The following PRRC2B variants were observed in gnomAD, a reference collection of about 807,000 sequenced individuals.
PRRC2B encodes the protein proline rich coiled-coil 2B.
PRRC2B carries 68 observed loss-of-function variants against 242.3 expected under a neutral mutation model. The ratio of observed to expected loss-of-function variants is 0.28; its 90% CI spans 0.23 to 0.34. The LOEUF (loss-of-function observed/expected upper bound fraction) is 0.34. PRRC2B is among the 10% of genes least tolerant of loss of function. PRRC2B has a pLI of 1.00. For missense variants in PRRC2B, 2,835 were observed against 2,954.8 expected (o/e 0.96, Z 0.94); for synonymous variants, 1,228 against 1,173.6 (o/e 1.05, Z -0.95).
In PRRC2B at chr9:131,471,003, G is replaced by C; in HGVS notation, c.2107+20G>C. Reference sequence around the variant, plus strand: ...CCTCAGGTAAGCACTGTGGTCTGACGGTCCATACCTGTATCACCCAGGATA... The same window carrying C: ...CCTCAGGTAAGCACTGTGGTCTGACCGTCCATACCTGTATCACCCAGGATA... On this transcript the variant is annotated intron_variant, in intron 14 of 31. Coordinates refer to ENST00000683519, the MANE Select transcript of PRRC2B (RefSeq NM_013318.4). 6 of 1,572,748 alleles carry C rather than the reference G, an allele frequency of 3.8e-6. No individual in the cohort carries two copies. Among genetic ancestry groups the C allele is most frequent in the Non-Finnish European group, 4.3e-6 (5 of 1,150,166 alleles).
chr9:131,384,332 A>C (rs570458648), intron 1 of PRRC2B, among the ~76,000 whole-genome samples: 1 of 150,320 alleles, frequency 6.7e-6, no homozygotes, highest in East Asian at 2.0e-4. Context: ...ACCCAGGCTT[A>C]AGTGTGGTGG....
chr9:131,440,113 C>G (rs529193310), intron 5 of PRRC2B, among the ~76,000 whole-genome samples: 1 of 152,278 alleles, frequency 6.6e-6, no homozygotes, highest in South Asian at 2.1e-4. Flanking sequence ...CACTATGTTG[C>G]TCAGGCTGGT....
intron 1 of PRRC2B, among the ~76,000 whole-genome samples, chr9:131,395,264 C>T (rs185557642): frequency 3.3e-5 from 5 of 152,056 alleles, no homozygotes; most frequent in Admixed American, 6.6e-5. Context: ...TAAACTTTCC[C>T]TAAGATTTTT....
intron 28 of PRRC2B, among the ~76,000 whole-genome samples, chr9:131,488,657 C>G (rs1588282725): frequency 6.6e-6 from 1 of 152,188 alleles, no homozygotes; most frequent in African/African-American, 2.4e-5. Context: ...TCTCCCTGCC[C>G]TTGTGCAGTA....
chr9:131,414,726 C>T (rs901321950), intron 1 of PRRC2B, among the ~76,000 whole-genome samples: 2 of 151,850 alleles, frequency 1.3e-5, no homozygotes, highest in South Asian at 2.1e-4. Flanking sequence ...CCTGCCACCA[C>T]GCCCAACTGA....
In PRRC2B at chr9:131,451,366, T is replaced by G. The variant is rs1291466364; in HGVS notation, c.1120+3562T>G. 2.0e-5 allele frequency among the ~76,000 whole-genome samples: 3 copies of G among 152,150 alleles called. No individual in the cohort carries two copies. In the South Asian group the frequency reaches 6.2e-4, roughly 32 times the overall value. On this transcript the variant is annotated intron_variant, in intron 9 of 31. Coordinates refer to ENST00000683519, the MANE Select transcript of PRRC2B (RefSeq NM_013318.4). ...ATGAGCCAGGATCGTGCCACTGCAC[T>G]CCAGCCTGGGTGACAGAGCGAGACT...
intron 18 of PRRC2B, among the ~76,000 whole-genome samples, 177 bp from the exon 19 acceptor site, chr9:131,479,075 G>A (rs999215780): frequency 6.6e-6 from 1 of 152,128 alleles, no homozygotes; most frequent in Non-Finnish European, 1.5e-5. Context: ...GGTCTTTCTT[G>A]GGGGGTGCTT....
At chr9:131,463,325 C>G (rs1298117588) in intron 11 of PRRC2B, among the ~76,000 whole-genome samples, 2 of 152,156 alleles carry the variant, frequency 1.3e-5, no homozygotes, top group Non-Finnish European at 2.9e-5. Context: ...ATTTCTTTTA[C>G]TGAAGTATAA....
upstream of PRRC2B, among the ~76,000 whole-genome samples, chr9:131,390,374 A>G (rs1044661966): frequency 2.0e-5 from 3 of 147,394 alleles, no homozygotes; most frequent in African/African-American, 7.4e-5. Context: ...GCAGGGATGG[A>G]TGACTGCATG....
chr9:131,433,721 A>G (rs930856428), intron 3 of PRRC2B, among the ~76,000 whole-genome samples: 7 of 152,212 alleles, frequency 4.6e-5, no homozygotes, highest in Non-Finnish European at 7.3e-5. Context: ...ACCAGACGGT[A>G]AAAGGGACCC....
intron 12 of PRRC2B, among the ~76,000 whole-genome samples, chr9:131,466,713 G>A (rs1053828528): frequency 1.3e-5 from 2 of 151,938 alleles, no homozygotes; most frequent in African/African-American, 4.8e-5. Context: ...TCTGCCTCCT[G>A]GGTTCAAGCG....
upstream of PRRC2B, among the ~76,000 whole-genome samples, chr9:131,391,522 A>G (rs913493213): frequency 2.0e-5 from 3 of 151,968 alleles, no homozygotes; most frequent in Non-Finnish European, 4.4e-5. Flanking sequence ...AGAAGGTACC[A>G]TTTTCACAGA....
At chr9:131,489,492 T>C (rs898971403) in intron 28 of PRRC2B, among the ~76,000 whole-genome samples, 1 of 152,096 alleles carries the variant, frequency 6.6e-6, no homozygotes, top group African/African-American at 2.4e-5. Flanking sequence ...CTGCCACCCA[T>C]GTTTTTGTCA....
At chr9:131,483,547 C>G (rs1420408343) in intron 23 of PRRC2B, 102 bp downstream of exon 23, 2 of 1,029,826 alleles carry the variant, frequency 1.9e-6, no homozygotes, top group Non-Finnish European at 3.0e-6. Context: ...TGGGCTGGCA[C>G]GTGACTCAGT....
At position 131,477,807 on chromosome 9, in the gene PRRC2B, CT is replaced by C; in HGVS notation, c.4471del (p.Tyr1491MetfsTer39). The C allele has an allele frequency of 6.2e-7, 1 of 1,612,588 alleles. No individual in the cohort carries two copies. ...GCAGCAGTGGGAGTGGCCACTCCCC[CT>C]ATGCCCTGGAGCGGGCAGCCCATGC... Reference protein sequence around the residue: ...GCSSGSGHSPYALERAAHASA... With the variant: ...GCSSGSGHSPXALERAAHASA... On this transcript the variant is annotated frameshift_variant, in exon 17 of 32. Coordinates refer to ENST00000683519, the MANE Select transcript of PRRC2B (RefSeq NM_013318.4). LOFTEE classifies it high-confidence loss of function.
rs201888302 is a variant in PRRC2B, at chr9:131,484,700, G to T, written c.5475G>T (p.Gln1825His). The T allele has an allele frequency of 1.2e-6, 2 of 1,611,582 alleles. No homozygotes were observed. The highest frequency in any genetic ancestry group is 1.7e-6 in the Non-Finnish European group (2 of 1,178,750). ...DALASNAGLTQSIPILRRDHH... is the reference protein window; with the variant it reads ...DALASNAGLTHSIPILRRDHH... ...CTCCTCTCCAGGCAGGGTTAACACA[G>T]AGTATCCCCATCCTGCGGCGGGACC... Residue 1825 changes from glutamine (Q) to histidine (H), a missense_variant, in exon 24 of 32, where the codon CAG becomes CAT. Gln to His is a conservative substitution (Grantham distance 24, BLOSUM62 0). This residue lies in a region of PRRC2B where 574 missense variants were observed against 626.0 expected (regional missense o/e 0.92). Coordinates refer to ENST00000683519, the MANE Select transcript of PRRC2B (RefSeq NM_013318.4).
rs957170646 is a variant in PRRC2B, at chr9:131,497,074, C to G, written c.*1200C>G. ...AGGGAGTGGACCCGTGTGTGGTCCC[C>G]AAGTGAGGCCACTGGGAGTTTGTCC... is the stretch of plus-strand genomic sequence containing the variant. On this transcript the variant is annotated 3_prime_UTR_variant, in exon 32 of 32. Transcript: ENST00000683519. The G allele has an allele frequency of 6.6e-6, 1 of 152,344 alleles. No homozygotes were observed. Among genetic ancestry groups the G allele is most frequent in the Non-Finnish European group, 1.5e-5 (1 of 68,138 alleles). The allele number at this position is 152,344 out of a possible 1,614,324, so 9.4% of individuals were successfully genotyped here.
Position 131,474,504 on chromosome 9 carries a change from C to G in PRRC2B, c.2375C>G (p.Ala792Gly). ...ASLGRAGGVS[A>G]QRDLFEERGE... is the part of the protein sequence containing the mutation. The stretch of plus-strand genomic sequence containing the variant: ...CTCGGAAGGGCAGGGGGCGTAAGTG[C>G]TCAGCGCGATCTCTTTGAGGAGAGA... The change falls in exon 16 of 32, where the codon GCT (alanine) becomes GGT (glycine). Residue 792 changes from alanine (A) to glycine (G), a missense_variant. This residue lies in a region of PRRC2B where 1,536 missense variants were observed against 1,483.1 expected (regional missense o/e 1.04). Transcript: ENST00000683519. 6.2e-7 allele frequency: 1 copy of G among 1,613,994 alleles called. No homozygotes were observed. The highest frequency in any genetic ancestry group is 8.5e-7 in the Non-Finnish European group (1 of 1,179,884).
intron 1 of PRRC2B, among the ~76,000 whole-genome samples, chr9:131,423,582 T>C (rs1837903870): frequency 6.6e-6 from 1 of 152,228 alleles, no homozygotes; most frequent in African/African-American, 2.4e-5. Context: ...CTGGTTTATT[T>C]TGGAGTTGTG....
Sources: allele counts gnomAD v4.1 joint callset (sites outside exome capture counted in the v4.1 genomes callset), GRCh38; gene constraint gnomAD v4.1.1; regional missense constraint gnomAD v4.1.1; transcripts MANE v1.5; gene names NCBI Gene and HGNC (gene_info 2026-07-23, HGNC 2026-07-21).